The following CSMD1 variants were observed in gnomAD, a reference collection of about 807,000 sequenced individuals.
CSMD1 encodes CUB and sushi domain-containing protein 1.
A neutral mutation model predicts 417.5 loss-of-function variants in CSMD1; 213 were observed. The observed-to-expected ratio is 0.51, with a 90% CI of 0.46 to 0.57. The LOEUF (loss-of-function observed/expected upper bound fraction) is 0.57, where lower values mean the gene tolerates loss of function less well. CSMD1 is among the 20% of genes least tolerant of loss of function. CSMD1 has a pLI of 0.00. For synonymous variants in CSMD1, 2,862 were observed against 1,736.8 expected (o/e 1.65, Z -16.11); for missense variants, 6,923 against 4,529.7 (o/e 1.53, Z -15.17).
intron 1 of CSMD1, among the ~76,000 whole-genome samples, chr8:4,762,503 G>C (rs1390386469): frequency 1.3e-5 from 2 of 151,950 alleles, no homozygotes; most frequent in Non-Finnish European, 1.5e-5. Flanking sequence ...AATTTACATA[G>C]GTAAGCATAT....
chr8:3,347,854 G>A (rs1230912388), intron 22 of CSMD1, 138 bp downstream of exon 22: 2 of 574,596 alleles, frequency 3.5e-6, no homozygotes, highest in Non-Finnish European at 5.6e-6. Flanking sequence ...CAAACTCATT[G>A]TGTAAATAAA....
At chr8:3,367,273 G>GAGAGAGAC (rs1563316705) in intron 19 of CSMD1, 26 bp from the exon 20 acceptor site, 6 of 1,494,650 alleles carry the variant, frequency 4.0e-6, no homozygotes, top group Non-Finnish European at 5.5e-6. Flanking sequence ...GGGGGAGAGA[G>GAGAGAGAC]AGAGAGACAG....
rs563838955 is a variant in CSMD1 at position 4,936,427 on chromosome 8, G to A, written c.85+57905C>T. On this transcript the variant is annotated intron_variant, in intron 1 of 69. Transcript: ENST00000635120. ...AGATGTACTCAAATTGATATAAATA[G>A]AAAAAAATAGAAGGATTTTTGTCCA... 2.8e-3 allele frequency among the ~76,000 whole-genome samples: 427 copies of A among 152,152 alleles called. 4 individuals are homozygous for A. The highest frequency in any genetic ancestry group is 9.7e-3 in the African/African-American group (402 of 41,542).
intron 1 of CSMD1, among the ~76,000 whole-genome samples, chr8:4,943,504 A>C (rs1424089087): frequency 1.6e-4 from 3 of 18,858 alleles, no homozygotes; most frequent in East Asian, 0.02. Context: ...TCAAAAAAAT[A>C]AAATGAAATA....
intron 3 of CSMD1, among the ~76,000 whole-genome samples, chr8:4,401,790 T>G (rs1350627374): frequency 1.3e-5 from 2 of 152,180 alleles, no homozygotes; most frequent in African/African-American, 4.8e-5. Context: ...TGTCCAGCAG[T>G]GCTTCCTCTC....
chr8:4,094,013 A>G (rs895041316), intron 3 of CSMD1, among the ~76,000 whole-genome samples: 16 of 121,484 alleles, frequency 1.3e-4, no homozygotes, highest in African/African-American at 5.0e-4. Context: ...TAGATAGATA[A>G]AGAAAAAAGA....
At chr8:4,704,994 G>C (rs950617587) in intron 1 of CSMD1, among the ~76,000 whole-genome samples, 1 of 152,182 alleles carries the variant, frequency 6.6e-6, no homozygotes, top group Non-Finnish European at 1.5e-5. Flanking sequence ...TACACGTGTT[G>C]AGGAAGCGTC....
At chr8:4,317,293 G>A (rs912244728) in intron 3 of CSMD1, among the ~76,000 whole-genome samples, 2 of 152,144 alleles carry the variant, frequency 1.3e-5, no homozygotes, top group African/African-American at 4.8e-5. Flanking sequence ...AAGCACTGGT[G>A]TGATTTGTAT....
At chr8:3,949,001 A>G (rs1283585510) in intron 5 of CSMD1, among the ~76,000 whole-genome samples, 2 of 152,210 alleles carry the variant, frequency 1.3e-5, no homozygotes, top group African/African-American at 4.8e-5. Flanking sequence ...TATAACAATT[A>G]AAATGTATTA....
At chr8:4,560,206 G>T (rs1231767381) in intron 2 of CSMD1, among the ~76,000 whole-genome samples, 1 of 152,226 alleles carries the variant, frequency 6.6e-6, no homozygotes, top group East Asian at 1.9e-4. Flanking sequence ...AGAAGCAGCA[G>T]CAGCAAAGCT....
chr8:4,370,191 T>C (rs1802317331), intron 3 of CSMD1, among the ~76,000 whole-genome samples: 1 of 152,192 alleles, frequency 6.6e-6, no homozygotes, highest in Non-Finnish European at 1.5e-5. Flanking sequence ...TCATTTCTCC[T>C]TTGCTTATGA....
At chr8:3,871,878 C>G (rs1349345110) in intron 5 of CSMD1, among the ~76,000 whole-genome samples, 3 of 152,132 alleles carry the variant, frequency 2.0e-5, no homozygotes, top group Non-Finnish European at 2.9e-5. Flanking sequence ...AAGAAAATAA[C>G]AGGTGTTGAT....
At chr8:3,261,608 G>C (rs7820456) in intron 26 of CSMD1, among the ~76,000 whole-genome samples, 45,887 of 152,032 alleles carry the variant, frequency 0.3, 7,158 homozygotes, top group Admixed American at 0.35. Flanking sequence ...GGTGTCCTTC[G>C]GCGGTGAGTG....
chr8:4,485,362 G>C (rs1030994739), intron 2 of CSMD1, among the ~76,000 whole-genome samples: 2 of 152,098 alleles, frequency 1.3e-5, no homozygotes, highest in East Asian at 1.9e-4. Context: ...TCTTTCACTT[G>C]AGTTAACACC....
chr8:3,843,128 C>A, intron 5 of CSMD1, among the ~76,000 whole-genome samples: 1 of 152,140 alleles, frequency 6.6e-6, no homozygotes, highest in South Asian at 2.1e-4. Context: ...ATAAATGATT[C>A]CATAGCACAT....
chr8:4,110,879 T>C lies in CSMD1; in HGVS notation c.416-78780A>G, dbSNP rs537070004. On this transcript the variant is annotated intron_variant, in intron 3 of 69. Transcript: ENST00000635120. ...TTTTTCCTTGAAGAGTACTGAAATATTATTTTCTTATGTCAAAAGACATAA... is the reference window on the plus strand; with the variant it reads ...TTTTTCCTTGAAGAGTACTGAAATACTATTTTCTTATGTCAAAAGACATAA... Among the ~76,000 whole-genome samples the C allele has an allele frequency of 5.3e-5, 8 of 152,184 alleles. No homozygotes were observed. The South Asian group carries it at 1.5e-3, about 28-fold the overall frequency.
rs373781512 is a variant in CSMD1, at chr8:4,788,726, T to C, written c.86-151168A>G. 5.3e-4 allele frequency: 239 copies of C among 453,396 alleles called. 1 individual carries two copies. Among genetic ancestry groups the C allele is most frequent in the African/African-American group, 4.4e-3 (222 of 50,160 alleles). 28.1% of individuals were successfully genotyped at this position (453,396 alleles called of 1,614,324 possible). On this transcript the variant is annotated intron_variant, in intron 1 of 69. Transcript: ENST00000635120. ...ATTAGTGAATCAATGCTTCTCTAGATCCATACTAATAAACATGAAAACCTA... is the reference window on the plus strand; with the variant it reads ...ATTAGTGAATCAATGCTTCTCTAGACCCATACTAATAAACATGAAAACCTA...
intron 10 of CSMD1, among the ~76,000 whole-genome samples, chr8:3,547,093 G>A (rs116280058): frequency 0.012 from 1,859 of 152,230 alleles, 35 homozygotes; most frequent in African/African-American, 0.043. Flanking sequence ...GACCAATAAC[G>A]TGGGCTACAG....
intron 18 of CSMD1, among the ~76,000 whole-genome samples, chr8:3,371,685 A>G (rs1344358961): frequency 6.6e-6 from 1 of 152,218 alleles, no homozygotes; most frequent in Non-Finnish European, 1.5e-5. Flanking sequence ...AGATGTGACT[A>G]GCCTCATCGT....
Sources: gnomAD v4.1 joint callset for allele counts (sites outside exome capture counted in the v4.1 genomes callset) on GRCh38, gnomAD v4.1.1 for gene constraint, MANE v1.5 for transcripts, NCBI Gene and HGNC (gene_info 2026-07-23, HGNC 2026-07-21) for gene names.